MZT2A: variants seen among roughly 807,000 people sequenced by gnomAD.
MZT2A encodes mitotic-spindle organizing protein 2A.
In MZT2A, 8 loss-of-function variants were observed where a neutral mutation model predicts 12.4. That is an observed-to-expected ratio of 0.64 (90% CI 0.38 to 1.16). The LOEUF is 1.16. MZT2A is among the 50% of genes most tolerant of loss of function. The pLI is 0.01. For synonymous variants in MZT2A, 88 were observed against 107.5 expected (o/e 0.82, Z 1.12); for missense variants, 181 against 223.6 (o/e 0.81, Z 1.22).
chr2:131,488,978 C>T (rs1420066402), intron 2 of MZT2A, among the ~76,000 whole-genome samples: 3 of 151,034 alleles, frequency 2.0e-5, no homozygotes, highest in Non-Finnish European at 4.4e-5. Context: ...GCCACAACCC[C>T]CACATACATC....
At chr2:131,490,441 G>A in intron 2 of MZT2A, 3 of 1,309,964 alleles carry the variant, frequency 2.3e-6, no homozygotes, top group Non-Finnish European at 2.9e-6. Context: ...CTGGAGAGGG[G>A]CTCTTTACAC....
At chr2:131,473,930 T>C (rs1678552202) in intron 2 of MZT2A, among the ~76,000 whole-genome samples, 1 of 145,462 alleles carries the variant, frequency 6.9e-6, no homozygotes, top group Non-Finnish European at 1.5e-5. Context: ...GTGTGCAGAA[T>C]TTATCAGGCC....
chr2:131,479,238 C>T (rs1678768654), downstream of MZT2A: 1 of 1,573,398 alleles, frequency 6.4e-7, no homozygotes, highest in East Asian at 2.2e-5. Flanking sequence ...GAAGTGAACA[C>T]TCCTGGAATG....
At chr2:131,480,888 T>C (rs1322491337), downstream of MZT2A, 4 of 1,247,880 alleles carry the variant, frequency 3.2e-6, no homozygotes, top group South Asian at 1.5e-5. Context: ...TGAACCAGAG[T>C]TGATAATTGA....
At chr2:131,478,420 G>T in intron 2 of MZT2A, 1 of 1,557,020 alleles carries the variant, frequency 6.4e-7, no homozygotes. Flanking sequence ...CAGCTTTCCT[G>T]AGAGGGTGGG....
At chr2:131,493,250 C>T (rs1367435042), upstream of MZT2A, 85 of 1,348,156 alleles carry the variant, frequency 6.3e-5, no homozygotes, top group Middle Eastern at 8.2e-4. Context: ...TCGGGCGGCC[C>T]GGCGGCTCTG....
chr2:131,484,254 C>T (rs572869272), intron 2 of MZT2A, 36 bp from the exon 3 acceptor site: 24 of 1,602,044 alleles, frequency 1.5e-5, no homozygotes, highest in East Asian at 1.1e-4. Context: ...TAGGAATGGA[C>T]GCGCCCCATA....
intron 3 of MZT2A, among the ~76,000 whole-genome samples, chr2:131,471,233 G>A (rs1241388033): frequency 7.1e-6 from 1 of 140,528 alleles, no homozygotes; most frequent in Admixed American, 6.7e-5. Context: ...AGCCCACACT[G>A]CACTCCCAGA....
At chr2:131,480,471 G>A, downstream of MZT2A, 3 of 1,587,656 alleles carry the variant, frequency 1.9e-6, no homozygotes, top group South Asian at 3.3e-5. Context: ...GACCAACCTA[G>A]TGCCGTACCC....
upstream of MZT2A, chr2:131,493,161 G>C: frequency 1.4e-6 from 2 of 1,434,476 alleles, no homozygotes; most frequent in East Asian, 2.6e-5. Flanking sequence ...CGGGACGCGC[G>C]CGTGAGACGG....
At chr2:131,479,802 T>C (rs977759022), downstream of MZT2A, among the ~76,000 whole-genome samples, 1 of 152,154 alleles carries the variant, frequency 6.6e-6, no homozygotes, top group African/African-American at 2.4e-5. Context: ...ATTGCACTAC[T>C]GCACTCTAGC....
chr2:131,475,285 G>A (rs894447286), intron 2 of MZT2A, among the ~76,000 whole-genome samples: 4 of 142,676 alleles, frequency 2.8e-5, no homozygotes, highest in Non-Finnish European at 6.0e-5. Flanking sequence ...CTGACCCAAC[G>A]TCTCCACTTA....
downstream of MZT2A, among the ~76,000 whole-genome samples, chr2:131,479,798 C>T (rs190922539): frequency 6.6e-6 from 1 of 152,134 alleles, no homozygotes; most frequent in Non-Finnish European, 1.5e-5. Context: ...TGAGATTGCA[C>T]TACTGCACTC....
upstream of MZT2A, chr2:131,492,628 A>T: frequency 8.2e-7 from 1 of 1,212,638 alleles, no homozygotes; most frequent in Non-Finnish European, 1.0e-6. Flanking sequence ...CTTGGCGGTC[A>T]GGGCGTCCCT....
chr2:131,483,584 T>C (rs1412109435), downstream of MZT2A, among the ~76,000 whole-genome samples: 3 of 142,880 alleles, frequency 2.1e-5, no homozygotes, highest in East Asian at 5.8e-4. Context: ...GGTGTGGTGG[T>C]GGGCACTGTA....
intron 2 of MZT2A, chr2:131,476,340 G>A (rs1309064251): frequency 6.8e-7 from 1 of 1,465,000 alleles, no homozygotes; most frequent in African/African-American, 1.4e-5. Context: ...GGGACAGGAG[G>A]ACACGGGATC....
intron 2 of MZT2A, among the ~76,000 whole-genome samples, chr2:131,475,898 G>A (rs1439419273): frequency 6.6e-6 from 1 of 152,152 alleles, no homozygotes; most frequent in East Asian, 1.9e-4. Flanking sequence ...TCCAACCCTG[G>A]TCAGAAGACA....
At position 131,470,348 on chromosome 2, in the gene MZT2A, A is replaced by G. The variant is rs571640584; in HGVS notation, c.394-5T>C. ...CTCTGAAGCTTCAACCAATTGCTGA[A>G]AAAAAAATTACAGATGTTTTATGTT... On this transcript the variant is annotated splice_region_variant and splice_polypyrimidine_tract_variant and intron_variant and NMD_transcript_variant, in intron 3 of 4. Transcript: ENST00000427024. 8.2e-6 allele frequency: 10 copies of G among 1,220,328 alleles called. No individual in the cohort carries two copies. In the East Asian group the frequency reaches 3.9e-4, roughly 48 times the overall value. The allele number at this position is 1,220,328 out of a possible 1,614,324, so 75.6% of individuals were successfully genotyped here.
At chr2:131,472,912 T>TC (rs1377041811) in intron 2 of MZT2A, among the ~76,000 whole-genome samples, 50 of 149,412 alleles carry the variant, frequency 3.3e-4, no homozygotes, top group Admixed American at 9.9e-4. Flanking sequence ...CTGAATGGTG[T>TC]CCCCCCCCAC....
Sources: gnomAD v4.1 joint callset for allele counts (sites outside exome capture counted in the v4.1 genomes callset) on GRCh38, gnomAD v4.1.1 for gene constraint, MANE v1.5 for transcripts, NCBI Gene and HGNC (gene_info 2026-07-23, HGNC 2026-07-21) for gene names.